MYT1L: variants seen among roughly 807,000 people sequenced by gnomAD.
MYT1L encodes the protein myelin transcription factor 1 like.
In MYT1L, 12 loss-of-function variants were observed where a neutral mutation model predicts 126.7. That is an observed-to-expected ratio of 0.09 (90% CI 0.06 to 0.15). MYT1L has a LOEUF of 0.15. Among genes scored for constraint, MYT1L ranks in the 10% least tolerant of loss-of-function variants. The pLI, the probability that MYT1L is intolerant of heterozygous loss-of-function variation, is 1.00. For missense variants in MYT1L, 979 were observed against 1,585.2 expected (o/e 0.62, Z 6.49); for synonymous variants, 541 against 604.2 (o/e 0.90, Z 1.53).
chr2:2,024,514 T>C (rs2065334312), intron 4 of MYT1L, among the ~76,000 whole-genome samples: 1 of 152,220 alleles, frequency 6.6e-6, no homozygotes. Flanking sequence ...TTAAAATGTT[T>C]CCTAGATTCT....
intron 18 of MYT1L, among the ~76,000 whole-genome samples, chr2:1,866,769 CAG>C (rs1399155745): frequency 6.5e-4 from 10 of 15,308 alleles, no homozygotes; most frequent in Non-Finnish European, 5.2e-4. Context: ...GGGAGAGAGG[CAG>C]AGAGAGAGAG....
At chr2:2,137,393 G>A (rs1423833162) in intron 3 of MYT1L, among the ~76,000 whole-genome samples, 1 of 152,132 alleles carries the variant, frequency 6.6e-6, no homozygotes, top group Non-Finnish European at 1.5e-5. Context: ...TCAATCCTAA[G>A]CCAAAAGAAC....
intron 3 of MYT1L, among the ~76,000 whole-genome samples, chr2:2,090,942 T>C (rs867183272): frequency 7.9e-5 from 12 of 152,242 alleles, no homozygotes; most frequent in African/African-American, 2.2e-4. Context: ...AGCAATTCAG[T>C]CGCATCTTTA....
chr2:1,830,325 G>A (rs2039965467), intron 21 of MYT1L, among the ~76,000 whole-genome samples: 3 of 152,196 alleles, frequency 2.0e-5, no homozygotes, highest in Non-Finnish European at 2.9e-5. Context: ...GATAATTACA[G>A]AGCCCATTTC....
At chr2:1,994,255 C>T (rs1166203991) in intron 5 of MYT1L, among the ~76,000 whole-genome samples, 2 of 152,184 alleles carry the variant, frequency 1.3e-5, no homozygotes, top group African/African-American at 4.8e-5. Flanking sequence ...CCAGGCTCAG[C>T]CCTGGTTCAG....
intron 2 of MYT1L, among the ~76,000 whole-genome samples, chr2:2,203,280 G>A (rs1001916667): frequency 1.0e-4 from 15 of 149,748 alleles, no homozygotes; most frequent in Middle Eastern, 3.4e-3. Context: ...AGGGCAATCA[G>A]GCAGGAGAAA....
intron 1 of MYT1L, among the ~76,000 whole-genome samples, chr2:2,330,095 C>T (rs989159769): frequency 6.6e-6 from 1 of 151,612 alleles, no homozygotes; most frequent in African/African-American, 2.4e-5. Context: ...TGAAGATGAA[C>T]AATTAGAAAG....
At chr2:2,139,274 T>G (rs1044140902) in intron 3 of MYT1L, among the ~76,000 whole-genome samples, 1 of 152,072 alleles carries the variant, frequency 6.6e-6, no homozygotes, top group Non-Finnish European at 1.5e-5. Flanking sequence ...TTCATCTTCT[T>G]TATTTAAACT....
rs900270010 is a variant in MYT1L, at chr2:1,887,267, C to A, written c.2642+221G>T. ...CCCTGAAGAAAAGCGGCAAAATGCA[C>A]GGGTTAAATGAAAATGACGCCCCCA... On this transcript the variant is annotated intron_variant, in intron 17 of 24. Coordinates refer to ENST00000647738, the MANE Select transcript of MYT1L (RefSeq NM_001303052.2). This position sits in a 1 kb window ranked among gnomAD's most constrained non-coding sequence, Gnocchi z 4.8. 1 of 507,812 alleles carries A rather than the reference C, an allele frequency of 2.0e-6. No individual in the cohort carries two copies. The highest frequency in any genetic ancestry group is 3.4e-6 in the Non-Finnish European group (1 of 294,692). The allele number at this position is 507,812 out of a possible 1,614,324, so 31.5% of individuals were successfully genotyped here.
chr2:1,978,247 T>G (rs1326590817), intron 8 of MYT1L, among the ~76,000 whole-genome samples: 1 of 152,240 alleles, frequency 6.6e-6, no homozygotes, highest in Non-Finnish European at 1.5e-5. Context: ...GTGCGGCAGA[T>G]GCACCCGCTT....
intron 1 of MYT1L, among the ~76,000 whole-genome samples, chr2:2,318,349 C>T (rs918467407): frequency 6.6e-6 from 1 of 152,136 alleles, no homozygotes; most frequent in African/African-American, 2.4e-5. Context: ...ACAAATTTGC[C>T]TTTCCACTCT....
chr2:1,796,226 G>A (rs2033468479), intron 23 of MYT1L, among the ~76,000 whole-genome samples: 1 of 152,214 alleles, frequency 6.6e-6, no homozygotes, highest in African/African-American at 2.4e-5. Flanking sequence ...TATAGAAAAT[G>A]TTTGCCAATC....
intron 2 of MYT1L, among the ~76,000 whole-genome samples, chr2:2,190,451 T>C (rs943485094): frequency 6.5e-4 from 42 of 64,152 alleles, no homozygotes; most frequent in African/African-American, 5.3e-3. Flanking sequence ...ACTGTCTGTA[T>C]GCCTATTTTT....
At chr2:2,261,255 C>A (rs2094959314) in intron 2 of MYT1L, among the ~76,000 whole-genome samples, 1 of 152,102 alleles carries the variant, frequency 6.6e-6, no homozygotes, top group Non-Finnish European at 1.5e-5. Flanking sequence ...ACCATCAAGT[C>A]AAACCAGAAA....
At chr2:1,868,614 C>T (rs2045893604) in intron 18 of MYT1L, among the ~76,000 whole-genome samples, 1 of 152,220 alleles carries the variant, frequency 6.6e-6, no homozygotes, top group African/African-American at 2.4e-5. Context: ...GGGAGGAAGG[C>T]TCTTTGAAGG....
intron 10 of MYT1L, among the ~76,000 whole-genome samples, chr2:1,920,114 G>A (rs941958925): frequency 6.6e-6 from 1 of 152,196 alleles, no homozygotes; most frequent in African/African-American, 2.4e-5. Context: ...GCTTTGGTCA[G>A]AGCAGGAAGA....
chr2:1,823,975 G>C (rs143676354), intron 21 of MYT1L, among the ~76,000 whole-genome samples: 1 of 151,236 alleles, frequency 6.6e-6, no homozygotes, highest in Non-Finnish European at 1.5e-5. Flanking sequence ...TCCCTGGCAC[G>C]ACCCATGGGA....
rs562048754 is a variant in MYT1L at position 1,867,304 on chromosome 2, C to T, written c.2712-15601G>A. Among the ~76,000 whole-genome samples the T allele has an allele frequency of 6.6e-5, 10 of 152,132 alleles. No homozygotes were observed. In the East Asian group the frequency reaches 7.8e-4, roughly 12 times the overall value. On this transcript the variant is annotated intron_variant, in intron 18 of 24. Coordinates refer to ENST00000647738, the MANE Select transcript of MYT1L (RefSeq NM_001303052.2). ...GGGTCACCCTTGCTGGGAAGTAAACCGAGGGTCGCACACAGGACTCAGGCT... is the reference window on the plus strand; with the variant it reads ...GGGTCACCCTTGCTGGGAAGTAAACTGAGGGTCGCACACAGGACTCAGGCT...
chr2:2,026,095 A>AG (rs1259827088), intron 4 of MYT1L, among the ~76,000 whole-genome samples: 2 of 152,360 alleles, frequency 1.3e-5, no homozygotes, highest in East Asian at 1.9e-4. Context: ...TGCTCTAGTT[A>AG]GGGGTCTAGG....
Sources: allele counts gnomAD v4.1 joint callset (sites outside exome capture counted in the v4.1 genomes callset), GRCh38; gene constraint gnomAD v4.1.1; non-coding constraint Gnocchi (gnomAD v3.1); transcripts MANE v1.5; gene names NCBI Gene and HGNC (gene_info 2026-07-23, HGNC 2026-07-21).